Variants in OR51B5 observed in about 807,000 individuals in gnomAD.
OR51B5 encodes olfactory receptor family 51 subfamily B member 5, also known as olfactory receptor 51B5.
For synonymous variants in OR51B5, 186 were observed against 144.8 expected, an observed-to-expected ratio of 1.28 and a Z score of -2.04; for missense variants, 456 against 374.6, an observed-to-expected ratio of 1.22 and a Z score of -1.79.
intron 1 of OR51B5, among the ~76,000 whole-genome samples, chr11:5,478,620 T>A (rs1277527760): frequency 6.7e-6 from 1 of 149,698 alleles, no homozygotes; most frequent in East Asian, 2.0e-4. Flanking sequence ...TGAAAAAAAT[T>A]TAGAAGAATG....
chr11:5,361,297 C>A (rs1198833387), intron 1 of OR51B5, among the ~76,000 whole-genome samples: 3 of 152,244 alleles, frequency 2.0e-5, no homozygotes, highest in Non-Finnish European at 4.4e-5. Context: ...ACTCCTGTTC[C>A]AAAGTTCTAA....
At chr11:5,455,615 GAGAGAA>G (rs528669199) in intron 1 of OR51B5, 137 of 142,676 alleles carry the variant, frequency 9.6e-4, no homozygotes, top group African/African-American at 3.3e-3. Context: ...GAAAGAGAAA[GAGAGAA>G]AGAGAGAGAG....
chr11:5,380,600 G>C (rs530015552), intron 1 of OR51B5, among the ~76,000 whole-genome samples: 20 of 152,228 alleles, frequency 1.3e-4, no homozygotes, highest in Admixed American at 5.9e-4. Context: ...GGGATTTAAG[G>C]CTTGGTCAAT....
chr11:5,462,695 G>A (rs532527751), intron 1 of OR51B5, among the ~76,000 whole-genome samples: 1 of 152,166 alleles, frequency 6.6e-6, no homozygotes, highest in East Asian at 1.9e-4. Flanking sequence ...TTATCAACTG[G>A]ACACTTTTCT....
intron 1 of OR51B5, among the ~76,000 whole-genome samples, chr11:5,358,556 C>T (rs528595759): frequency 1.3e-5 from 2 of 152,172 alleles, no homozygotes; most frequent in African/African-American, 2.4e-5. Flanking sequence ...CCAAATTCTA[C>T]CAGAGGTACA....
intron 1 of OR51B5, among the ~76,000 whole-genome samples, chr11:5,381,171 C>CTG: frequency 7.9e-6 from 1 of 126,472 alleles, no homozygotes; most frequent in Middle Eastern, 4.4e-3. Flanking sequence ...CTCTCTCTCT[C>CTG]TCTCACACAC....
At chr11:5,344,757 A>ATAAGACAAAG (rs1589943308), upstream of OR51B5, among the ~76,000 whole-genome samples, 2 of 152,360 alleles carry the variant, frequency 1.3e-5, no homozygotes, top group South Asian at 2.1e-4. Flanking sequence ...TTAAATGGTA[A>ATAAGACAAAG]TAAGACAAAG....
At chr11:5,488,357 A>C (rs1335285576) in intron 1 of OR51B5, among the ~76,000 whole-genome samples, 1 of 152,200 alleles carries the variant, frequency 6.6e-6, no homozygotes, top group Non-Finnish European at 1.5e-5. Context: ...GAGAGGTAAG[A>C]AATATCCCAT....
intron 1 of OR51B5, among the ~76,000 whole-genome samples, chr11:5,416,340 G>C (rs1052404705): frequency 0.024 from 3,635 of 151,330 alleles, 69 homozygotes; most frequent in Non-Finnish European, 0.037. Context: ...GGCAAAAACT[G>C]GAAGCATTCC....
intron 1 of OR51B5, among the ~76,000 whole-genome samples, chr11:5,367,700 C>A (rs372290600): frequency 6.6e-6 from 1 of 152,100 alleles, no homozygotes; most frequent in East Asian, 1.9e-4. Context: ...GGGAATACAG[C>A]CCAGTAGGTC....
chr11:5,420,031 ATT>A (rs562441760), intron 1 of OR51B5, among the ~76,000 whole-genome samples: 447 of 7,406 alleles, frequency 0.06, 3 homozygotes, highest in Admixed American at 0.21. Context: ...AATGTTGCAT[ATT>A]TATTTTAGTT....
At chr11:5,505,623 T>C (rs1449377160) in exon 1 of OR51B5, 5 of 489,838 alleles carry the variant, frequency 1.0e-5, no homozygotes, top group East Asian at 7.7e-5. Flanking sequence ...GCAAGTCACA[T>C]CCTACTGGAA....
intron 1 of OR51B5, chr11:5,392,798 G>T (rs1002398217): frequency 6.6e-6 from 1 of 152,108 alleles, no homozygotes; most frequent in Admixed American, 6.5e-5. Flanking sequence ...TGTAGTCCCA[G>T]CTACTCAGGA....
At chr11:5,390,251 C>T in intron 1 of OR51B5, 1 of 1,614,010 alleles carries the variant, frequency 6.2e-7, no homozygotes, top group African/African-American at 1.3e-5. Flanking sequence ...ACCTGCTATT[C>T]ATCTTCTTAT....
At chr11:5,361,560 G>C (rs77425046) in intron 1 of OR51B5, among the ~76,000 whole-genome samples, 8,515 of 152,212 alleles carry the variant, frequency 0.056, 299 homozygotes, top group Middle Eastern at 0.14. Flanking sequence ...ATGAGCAGTA[G>C]ACGGTTGGCT....
intron 1 of OR51B5, among the ~76,000 whole-genome samples, chr11:5,416,722 G>C (rs988235210): frequency 1.2e-4 from 16 of 137,124 alleles, no homozygotes; most frequent in African/African-American, 4.0e-4. Flanking sequence ...CCTTACAAGG[G>C]ATGTGAAGGA....
intron 1 of OR51B5, among the ~76,000 whole-genome samples, chr11:5,480,287 T>C (rs894993170): frequency 1.3e-5 from 2 of 150,760 alleles, no homozygotes; most frequent in African/African-American, 4.9e-5. Flanking sequence ...AAGGCAGAAA[T>C]AAAGATGTTC....
chr11:5,350,550 C>A (rs1849063634), intron 1 of OR51B5, among the ~76,000 whole-genome samples: 1 of 152,068 alleles, frequency 6.6e-6, no homozygotes. Context: ...AGTCACAGAG[C>A]CTTCTCACTT....
chr11:5,444,585 G>T (rs1168112331), intron 1 of OR51B5, among the ~76,000 whole-genome samples: 1 of 152,120 alleles, frequency 6.6e-6, no homozygotes, highest in Non-Finnish European at 1.5e-5. Flanking sequence ...GGTCAGGTGG[G>T]CAGTGTGAAG....
Sources: gnomAD v4.1 joint callset for allele counts (sites outside exome capture counted in the v4.1 genomes callset) on GRCh38, gnomAD v4.1.1 for gene constraint, MANE v1.5 for transcripts, NCBI Gene and HGNC (gene_info 2026-07-23, HGNC 2026-07-21) for gene names.